Variants in IFI27 observed in about 807,000 individuals in gnomAD.
IFI27 encodes the protein interferon alpha inducible protein 27.
Under a neutral mutation model 8.9 loss-of-function variants are expected in IFI27, and 3 were observed. That is an observed-to-expected ratio of 0.34 (90% CI 0.15 to 0.87). The LOEUF is 0.87. Among genes scored for constraint, IFI27 ranks in the 40% least tolerant of loss-of-function variants. IFI27 has a pLI of 0.51. For missense variants in IFI27, 152 were observed against 157.7 expected (o/e 0.96, Z 0.19); for synonymous variants, 66 against 67.3 (o/e 0.98, Z 0.09).
At position 94,116,608 on chromosome 14, in the gene IFI27, A is replaced by G; in HGVS notation, c.*81A>G. On this transcript the variant is annotated 3_prime_UTR_variant, in exon 5 of 5. Transcript: ENST00000621160. The surrounding 1 kb of genome is among the most constrained non-coding windows in gnomAD (Gnocchi z 4.3). ...GCCATCCTGACCCAGCGAGGAGCCA[A>G]CTATCCCAAATATACCTGGGGTGAA... The G allele has an allele frequency of 9.9e-7, 1 of 1,011,998 alleles. No homozygotes were observed. Among genetic ancestry groups the G allele is most frequent in the Non-Finnish European group, 1.5e-6 (1 of 652,334 alleles). The allele number at this position is 1,011,998 out of a possible 1,614,324, so 62.7% of individuals were successfully genotyped here.
At chr14:94,114,260 A>G (rs1887302774) in intron 2 of IFI27, 1 of 153,714 alleles carries the variant, frequency 6.5e-6, no homozygotes, top group Non-Finnish European at 1.4e-5. Context: ...TTTCTCTGCC[A>G]TGAGGACTTA....
intron 2 of IFI27, chr14:94,114,016 G>A (rs567918169): frequency 6.6e-6 from 1 of 152,398 alleles, no homozygotes; most frequent in East Asian, 1.9e-4. Context: ...CTCACCGTGT[G>A]GGGGAGCAAA....
At chr14:94,110,949 CG>C (rs1226542383) in intron 1 of IFI27, 152 bp downstream of exon 1, 2 of 154,362 alleles carry the variant, frequency 1.3e-5, no homozygotes, top group Non-Finnish European at 2.9e-5. Flanking sequence ...GGAAGGGACT[CG>C]AGCCCCACCT....
chr14:94,109,259 G>A (rs191998735), upstream of IFI27, among the ~76,000 whole-genome samples: 196 of 143,538 alleles, frequency 1.4e-3, 2 homozygotes, highest in Non-Finnish European at 2.5e-3. Flanking sequence ...CCGAGATTGC[G>A]CCATTGCCCT....
At chr14:94,115,023 A>G in intron 3 of IFI27, 143 bp downstream of exon 3, 2 of 742,438 alleles carry the variant, frequency 2.7e-6, no homozygotes, top group Admixed American at 4.2e-5. Flanking sequence ...AGTATGAACC[A>G]AGGAGCTAGA....
intron 2 of IFI27, chr14:94,113,979 A>G (rs114522490): frequency 0.015 from 2,216 of 152,524 alleles, 49 homozygotes; most frequent in African/African-American, 0.05. Flanking sequence ...CTGCTGGGGA[A>G]CATAACCTCT....
At chr14:94,109,478 G>A (rs1887088260), upstream of IFI27, among the ~76,000 whole-genome samples, 1 of 152,130 alleles carries the variant, frequency 6.6e-6, no homozygotes, top group South Asian at 2.1e-4. Flanking sequence ...AAGACCTGGC[G>A]AGTTCTGACC....
At chr14:94,112,073 T>A in intron 2 of IFI27, 1 of 496,378 alleles carries the variant, frequency 2.0e-6, no homozygotes, top group East Asian at 3.5e-5. Context: ...TCTCTTCAGC[T>A]CTCCCTTCCC....
intron 3 of IFI27, chr14:94,115,347 A>G (rs909351637): frequency 1.9e-6 from 1 of 518,700 alleles, no homozygotes; most frequent in Non-Finnish European, 3.7e-6. Flanking sequence ...TGGCAACACC[A>G]CGGAGCCCTA....
At chr14:94,115,105 C>T (rs1272586971) in intron 3 of IFI27, among the ~76,000 whole-genome samples, 1 of 152,182 alleles carries the variant, frequency 6.6e-6, no homozygotes, top group Admixed American at 6.5e-5. Context: ...CAGGGTGTGG[C>T]AGCAGCCGGC....
At chr14:94,109,442 G>C (rs188834159), upstream of IFI27, among the ~76,000 whole-genome samples, 2 of 138,722 alleles carry the variant, frequency 1.4e-5, no homozygotes, top group Non-Finnish European at 3.2e-5. Flanking sequence ...AAGAAAAAAA[G>C]TTTATTGGTG....
chr14:94,112,034 G>A, intron 2 of IFI27: 1 of 575,172 alleles, frequency 1.7e-6, no homozygotes, highest in Middle Eastern at 4.7e-4. Flanking sequence ...TGCCTAGCCG[G>A]AAAGGGTCTA....
upstream of IFI27, among the ~76,000 whole-genome samples, chr14:94,107,619 T>C (rs1019633893): frequency 6.6e-6 from 1 of 152,230 alleles, no homozygotes; most frequent in Admixed American, 6.5e-5. Flanking sequence ...AATATTTGTA[T>C]ATAGTTCTGT....
rs1358746565 is a variant in IFI27, at chr14:94,116,071, C to G, written c.283+129C>G. 1.9e-6 allele frequency: 2 copies of G among 1,042,180 alleles called. No individual in the cohort carries two copies. Among genetic ancestry groups the G allele is most frequent in the Admixed American group, 4.0e-5 (2 of 50,418 alleles). 64.6% of individuals were successfully genotyped at this position (1,042,180 alleles called of 1,614,324 possible). A position where few individuals can be genotyped will look rare whatever the true frequency, so the allele number is the denominator to read the frequency against. On this transcript the variant is annotated intron_variant, in intron 4 of 4. Coordinates refer to ENST00000621160, the Ensembl canonical transcript of IFI27. The surrounding 1 kb of genome is among the most constrained non-coding windows in gnomAD (Gnocchi z 4.3). Reference sequence around the variant, plus strand: ...CTCTGTCTCTCTCTACACATTCTCTCAGGGTTTCTCTGAGGGAGATGGAGG... The same window carrying G: ...CTCTGTCTCTCTCTACACATTCTCTGAGGGTTTCTCTGAGGGAGATGGAGG...
chr14:94,110,622 C>G (rs1230457487), upstream of IFI27: 2 of 152,212 alleles, frequency 1.3e-5, no homozygotes, highest in African/African-American at 2.4e-5. Context: ...AGAAAGATGT[C>G]TGCAGTTTCG....
Position 94,111,511 on chromosome 14 carries a change from A to T in IFI27, c.-58-114A>T, listed in dbSNP as rs1028975673. ...GGATCCTTTCAAGGCCTGCTGCTCCACAAGCTCAGAGCAGCCTCCCTAGCC... is the reference window on the plus strand; with the variant it reads ...GGATCCTTTCAAGGCCTGCTGCTCCTCAAGCTCAGAGCAGCCTCCCTAGCC... On this transcript the variant is annotated intron_variant, in intron 1 of 4. Coordinates refer to ENST00000621160, the Ensembl canonical transcript of IFI27. The surrounding 1 kb of genome is among the most constrained non-coding windows in gnomAD (Gnocchi z 4.3). 1 of 615,238 alleles carries T rather than the reference A, an allele frequency of 1.6e-6. No individual in the cohort carries two copies. The highest frequency in any genetic ancestry group is 2.9e-6 in the Non-Finnish European group (1 of 340,580). The allele number at this position is 615,238 out of a possible 1,614,324, so 38.1% of individuals were successfully genotyped here. A position where few individuals can be genotyped will look rare whatever the true frequency, so the allele number is the denominator to read the frequency against.
chr14:94,111,990 C>T lies in IFI27; in HGVS notation c.91+217C>T, dbSNP rs541851181. The stretch of plus-strand genomic sequence containing the variant: ...CAGATGCCCAGCCCTGGGTGTTCCA[C>T]AGGTCCTCTCCCCTCTGGGCCCGGG... On this transcript the variant is annotated intron_variant, in intron 2 of 4. Transcript: ENST00000621160. This position sits in a 1 kb window ranked among gnomAD's most constrained non-coding sequence, Gnocchi z 4.3. 44 of 609,820 alleles carry T rather than the reference C, an allele frequency of 7.2e-5. No individual in the cohort carries two copies. In the South Asian group the frequency reaches 7.3e-4, roughly 10 times the overall value. 37.8% of individuals were successfully genotyped at this position (609,820 alleles called of 1,614,324 possible). A position where few individuals can be genotyped will look rare whatever the true frequency, so the allele number is the denominator to read the frequency against.
chr14:94,109,615 C>T (rs1426324211), upstream of IFI27, among the ~76,000 whole-genome samples: 4 of 152,178 alleles, frequency 2.6e-5, no homozygotes, highest in Non-Finnish European at 5.9e-5. Context: ...GCTCGCTCTC[C>T]CTGTGCTTCT....
intron 3 of IFI27, chr14:94,115,282 G>C (rs1443023645): frequency 5.6e-6 from 3 of 538,824 alleles, no homozygotes; most frequent in South Asian, 4.6e-5. Flanking sequence ...CAGTAGACAT[G>C]AAAGAGATGC....
Sources: gnomAD v4.1 joint callset for allele counts (sites outside exome capture counted in the v4.1 genomes callset) on GRCh38, gnomAD v4.1.1 for gene constraint, Gnocchi (gnomAD v3.1) non-coding constraint, MANE v1.5 for transcripts, NCBI Gene and HGNC (gene_info 2026-07-23, HGNC 2026-07-21) for gene names.